The following ANKRD44 variants were observed in gnomAD, a reference collection of about 807,000 sequenced individuals.
ANKRD44 encodes the protein ankyrin repeat domain 44.
In ANKRD44, 35 loss-of-function variants were observed where a neutral mutation model predicts 116.0. The observed-to-expected ratio is 0.30, with a 90% CI of 0.23 to 0.40. The LOEUF is 0.40. Ranked by LOEUF, ANKRD44 falls within the 10% of genes least tolerant of loss-of-function variation. ANKRD44 has a pLI of 1.00. For synonymous variants in ANKRD44, 435 were observed against 461.8 expected, an observed-to-expected ratio of 0.94 and a Z score of 0.74; for missense variants, 1,014 against 1,242.6, an observed-to-expected ratio of 0.82 and a Z score of 2.77.
chr2:197,095,333 A>G (rs1036345913), intron 10 of ANKRD44, among the ~76,000 whole-genome samples: 4 of 152,252 alleles, frequency 2.6e-5, no homozygotes, highest in African/African-American at 7.2e-5. Flanking sequence ...GATGGGCTCA[A>G]TGGACAAGTG....
chr2:196,980,461 T>A (rs1282829739), intron 21 of ANKRD44, among the ~76,000 whole-genome samples: 1 of 152,264 alleles, frequency 6.6e-6, no homozygotes, highest in East Asian at 1.9e-4. Context: ...AGCTTTCTAT[T>A]TATTTAGTTT....
chr2:197,117,252 A>T (rs965762144), intron 8 of ANKRD44, among the ~76,000 whole-genome samples: 23 of 151,136 alleles, frequency 1.5e-4, no homozygotes, highest in South Asian at 4.2e-4. Flanking sequence ...TTATTTATTT[A>T]TTTTTTTGAC....
At chr2:197,159,894 C>A (rs73991225) in intron 2 of ANKRD44, among the ~76,000 whole-genome samples, 7,855 of 152,250 alleles carry the variant, frequency 0.052, 678 homozygotes, top group African/African-American at 0.18. Flanking sequence ...GCTCTCTCAA[C>A]ACCACTAGGT....
intron 3 of ANKRD44, among the ~76,000 whole-genome samples, chr2:197,146,235 T>G (rs1021944460): frequency 6.6e-6 from 1 of 152,208 alleles, no homozygotes; most frequent in African/African-American, 2.4e-5. Flanking sequence ...TAAAATATTT[T>G]ACAGAGAGTT....
intron 1 of ANKRD44, among the ~76,000 whole-genome samples, chr2:197,267,716 G>A (rs1385883493): frequency 6.6e-6 from 1 of 152,250 alleles, no homozygotes; most frequent in East Asian, 1.9e-4. Flanking sequence ...TAAGTAAGCA[G>A]CTGTTTCAAT....
rs549536574 is a variant in ANKRD44, at chr2:196,968,999, C to A, written c.2369-1553G>T. Among the ~76,000 whole-genome samples the A allele has an allele frequency of 2.0e-5, 3 of 152,168 alleles. No individual in the cohort carries two copies. The East Asian group carries it at 5.8e-4, about 29-fold the overall frequency. On this transcript the variant is annotated intron_variant, in intron 21 of 21. Transcript: ENST00000424317. ...ACCTGGGAATTTTCTCAGAAGGAACCAGATACAACTTATTTATACATATGT... is the reference window on the plus strand; with the variant it reads ...ACCTGGGAATTTTCTCAGAAGGAACAAGATACAACTTATTTATACATATGT...
At chr2:196,979,602 T>C (rs1003634196) in intron 21 of ANKRD44, among the ~76,000 whole-genome samples, 1 of 140,916 alleles carries the variant, frequency 7.1e-6, no homozygotes, top group Admixed American at 7.6e-5. Flanking sequence ...TGGCTCTTGT[T>C]GCCCAGGCTG....
Position 197,201,649 on chromosome 2 carries a change from C to T in ANKRD44, c.28-14543G>A, listed in dbSNP as rs1296584668. ...GCACACCTTATGTCAAAACTCAGAG[C>T]TGTTGTTTTTATATTTTGTTTTTGT... On this transcript the variant is annotated intron_variant, in intron 1 of 27. Transcript: ENST00000282272. This position sits in a 1 kb window ranked among gnomAD's most constrained non-coding sequence, Gnocchi z 4.0. Among the ~76,000 whole-genome samples the T allele has an allele frequency of 6.6e-6, 1 of 152,146 alleles. No homozygotes were observed. Among genetic ancestry groups the T allele is most frequent in the East Asian group, 1.9e-4 (1 of 5,200 alleles).
intron 1 of ANKRD44, among the ~76,000 whole-genome samples, chr2:197,240,239 G>A (rs1035211904): frequency 1.1e-4 from 16 of 151,858 alleles, no homozygotes; most frequent in Admixed American, 8.5e-4. Flanking sequence ...GCTGGGCGTG[G>A]TGGTGTGTGC....
At chr2:197,265,341 G>A (rs2082714868) in intron 1 of ANKRD44, among the ~76,000 whole-genome samples, 1 of 151,726 alleles carries the variant, frequency 6.6e-6, no homozygotes, top group African/African-American at 2.4e-5. Flanking sequence ...CTGCCTCCTG[G>A]GTTCAAGTGA....
intron 1 of ANKRD44, among the ~76,000 whole-genome samples, chr2:197,278,127 A>G (rs2083146289): frequency 6.6e-6 from 1 of 152,040 alleles, no homozygotes; most frequent in South Asian, 2.1e-4. Flanking sequence ...AGCAATCAGG[A>G]CAGTATCAGT....
intron 2 of ANKRD44, among the ~76,000 whole-genome samples, chr2:197,175,946 A>G (rs913395986): frequency 2.6e-5 from 4 of 152,168 alleles, no homozygotes; most frequent in Non-Finnish European, 5.9e-5. Flanking sequence ...CTAAAAGTAC[A>G]TCACCACCTA....
At chr2:197,127,492 T>G (rs1574506566) in intron 4 of ANKRD44, among the ~76,000 whole-genome samples, 1 of 152,010 alleles carries the variant, frequency 6.6e-6, no homozygotes, top group Non-Finnish European at 1.5e-5. Flanking sequence ...GGGAATTAAT[T>G]TTTTTTTAAT....
At chr2:197,050,317 G>A (rs959851869) in intron 16 of ANKRD44, among the ~76,000 whole-genome samples, 1 of 152,038 alleles carries the variant, frequency 6.6e-6, no homozygotes, top group African/African-American at 2.4e-5. Flanking sequence ...CATTACAATT[G>A]AACACGAGAT....
At chr2:197,079,052 G>A (rs1262946650) in intron 15 of ANKRD44, among the ~76,000 whole-genome samples, 1 of 151,376 alleles carries the variant, frequency 6.6e-6, no homozygotes, top group Non-Finnish European at 1.5e-5. Flanking sequence ...CTAGAATTCA[G>A]GAAAAGCTTT....
chr2:197,186,612 C>CTTTTTTTTTTTTTTTTTTTTTTTTTTTT (rs149107038), intron 2 of ANKRD44, among the ~76,000 whole-genome samples: 2 of 50,786 alleles, frequency 3.9e-5, no homozygotes, highest in Non-Finnish European at 8.8e-5. Flanking sequence ...GCTAATTTTT[C>CTTTTTTTTTTTTTTTTTTTTTTTTTTTT]TTTTTTTTTT....
chr2:197,291,889 G>A (rs1236930810), intron 1 of ANKRD44, among the ~76,000 whole-genome samples: 1 of 152,082 alleles, frequency 6.6e-6, no homozygotes, highest in Admixed American at 6.5e-5. Context: ...TGATCTCATT[G>A]TTCAATTCCC....
chr2:197,299,843 G>GA (rs980735072), intron 1 of ANKRD44, among the ~76,000 whole-genome samples: 1 of 151,658 alleles, frequency 6.6e-6, no homozygotes, highest in South Asian at 2.1e-4. Flanking sequence ...TTTTAAGAAG[G>GA]AAAAAAAAGT....
At chr2:197,107,132 C>T (rs575110460) in intron 9 of ANKRD44, among the ~76,000 whole-genome samples, 28 of 152,248 alleles carry the variant, frequency 1.8e-4, no homozygotes, top group Non-Finnish European at 3.2e-4. Flanking sequence ...AATTAGTATC[C>T]TCTAAGCATT....
Sources: allele counts gnomAD v4.1 joint callset (sites outside exome capture counted in the v4.1 genomes callset), GRCh38; gene constraint gnomAD v4.1.1; non-coding constraint Gnocchi (gnomAD v3.1); transcripts MANE v1.5; gene names NCBI Gene and HGNC (gene_info 2026-07-23, HGNC 2026-07-21).